NUMA1: variants seen among roughly 807,000 people sequenced by gnomAD.
NUMA1 encodes the protein SP-H antigen.
NUMA1 carries 62 observed loss-of-function variants against 237.1 expected under a neutral mutation model. The ratio of observed to expected loss-of-function variants is 0.26; its 90% confidence interval spans 0.21 to 0.32. The LOEUF (loss-of-function observed/expected upper bound fraction) is 0.32, where lower values mean the gene tolerates loss of function less well. Ranked by LOEUF, NUMA1 falls within the 10% of genes least tolerant of loss-of-function variation. The pLI, the probability that NUMA1 is intolerant of heterozygous loss-of-function variation, is 1.00. For synonymous variants in NUMA1, 1,028 were observed against 1,066.1 expected, an observed-to-expected ratio of 0.96 and a Z score of 0.70; for missense variants, 2,533 against 2,666.5, an observed-to-expected ratio of 0.95 and a Z score of 1.10.
In NUMA1 at chr11:72,014,172, C is replaced by G; in HGVS notation, c.3331G>C (p.Ala1111Pro). Reference sequence around the variant, plus strand: ...CCTGTTGGCTCTGTCCTGCCAGCAGCCTCAGATTGGGCTCCTGAGCCAGAT... The same window carrying G: ...CCTGTTGGCTCTGTCCTGCCAGCAGGCTCAGATTGGGCTCCTGAGCCAGAT... ...HASGSGAQSE[A>P]AGRTEPTGPK... Residue 1111 changes from alanine to proline, a missense_variant, in exon 15 of 27, where the codon GCT becomes CCT. Coordinates refer to ENST00000393695, the MANE Select transcript of NUMA1 (RefSeq NM_006185.4). This position sits in a 1 kb window ranked among gnomAD's most constrained non-coding sequence, Gnocchi z 4.6. 6.2e-7 allele frequency: 1 copy of G among 1,613,812 alleles called. No individual in the cohort carries two copies.
chr11:72,013,288 C>T lies in NUMA1; in HGVS notation c.4215G>A (p.Glu1405=), dbSNP rs747713128. The T allele has an allele frequency of 6.2e-7, 1 of 1,604,442 alleles. No individual in the cohort carries two copies. Among genetic ancestry groups the T allele is most frequent in the Non-Finnish European group, 8.5e-7 (1 of 1,179,796 alleles). ...GCCGCAGAGGAATCAGCTCCCCAAG[C>T]TCCCGCTGGGCCCGCAGCAGCTCTG... is the stretch of plus-strand genomic sequence containing the variant. ...LRAELLRAQR[E]LGELIPLRQK... is the part of the protein sequence containing the mutation. The change falls in exon 15 of 27, where the codon GAG becomes GAA. Residue 1405 remains glutamate, a synonymous_variant. Transcript: ENST00000393695. The surrounding 1 kb of genome is among the most constrained non-coding windows in gnomAD (Gnocchi z 6.8).
chr11:72,058,816 T>A (rs1203613490), intron 2 of NUMA1, among the ~76,000 whole-genome samples: 2 of 152,114 alleles, frequency 1.3e-5, no homozygotes, highest in African/African-American at 4.8e-5. Flanking sequence ...ATCCCCCTCC[T>A]CCCCTTACAT....
chr11:72,066,416 A>G (rs1315825232), intron 2 of NUMA1: 3 of 152,218 alleles, frequency 2.0e-5, no homozygotes, highest in African/African-American at 7.2e-5. Context: ...CAAATTTCTT[A>G]GCATAACGCT....
chr11:72,029,829 CAT>C (rs1209246141), intron 3 of NUMA1, among the ~76,000 whole-genome samples: 5 of 150,394 alleles, frequency 3.3e-5, no homozygotes, highest in Non-Finnish European at 7.4e-5. Context: ...CTCCCACAAA[CAT>C]ATAAAATCTT....
intron 3 of NUMA1, among the ~76,000 whole-genome samples, chr11:72,032,648 G>C (rs1940485997): frequency 1.3e-5 from 2 of 152,186 alleles, no homozygotes; most frequent in South Asian, 4.1e-4. Context: ...TTTAAAAGTT[G>C]AGGAAGTAGA....
intron 2 of NUMA1, chr11:72,065,807 T>G (rs1943172070): frequency 6.6e-6 from 1 of 152,096 alleles, no homozygotes; most frequent in Non-Finnish European, 1.5e-5. Flanking sequence ...CCTAAGAAAA[T>G]CATCTTTGGT....
intron 2 of NUMA1, among the ~76,000 whole-genome samples, chr11:72,064,275 T>A (rs944736679): frequency 1.3e-5 from 2 of 151,940 alleles, no homozygotes; most frequent in African/African-American, 4.8e-5. Flanking sequence ...CTGGGCAACA[T>A]AGTAGACTCC....
intron 1 of NUMA1, among the ~76,000 whole-genome samples, chr11:72,072,935 G>A (rs571162597): frequency 2.1e-4 from 32 of 151,834 alleles, no homozygotes; most frequent in Admixed American, 5.9e-4. Context: ...CCAGCTACTC[G>A]GGAGGGGAGG....
Position 72,009,005 on chromosome 11 carries a change from G to A in NUMA1, c.5020C>T (p.Arg1674Cys), listed in dbSNP as rs199835367. 8.8e-5 allele frequency: 142 copies of A among 1,613,872 alleles called. No homozygotes were observed. Among genetic ancestry groups the A allele is most frequent in the Middle Eastern group, 6.6e-4 (4 of 6,062 alleles). Residue 1674 changes from arginine (R) to cysteine (C), a missense_variant, in exon 19 of 27, where the codon CGC becomes TGC. By Grantham distance (180) the Arg-to-Cys change is radical. Around this residue, in one of 3 missense-constraint regions of NUMA1, gnomAD observed 795 missense variants for 750.8 expected, o/e 1.06. Transcript: ENST00000393695. ...LKTKEAEQTC[R>C]HLTAQVRSLE... ...CTGCGCACCTGGGCAGTAAGGTGGC[G>A]GCAGGTCTGTTCAGCCTCCTTGGTC...
At chr11:72,076,210 C>T (rs896203742) in intron 1 of NUMA1, among the ~76,000 whole-genome samples, 1 of 151,220 alleles carries the variant, frequency 6.6e-6, no homozygotes, top group African/African-American at 2.4e-5. Flanking sequence ...CCTGTCTCTA[C>T]AGAAAATATA....
At chr11:72,011,332 C>T (rs897321718) in intron 16 of NUMA1, among the ~76,000 whole-genome samples, 5 of 152,210 alleles carry the variant, frequency 3.3e-5, no homozygotes, top group East Asian at 1.9e-4. Context: ...ATCCACAGGC[C>T]GTTAGGGCTG....
rs530638004 is a variant in NUMA1 at position 72,019,350 on chromosome 11, C to T, written c.584+144G>A. 4 of 1,110,900 alleles carry T rather than the reference C, an allele frequency of 3.6e-6. No individual in the cohort carries two copies. In the African/African-American group the frequency reaches 4.7e-5, roughly 13 times the overall value. 68.8% of individuals were successfully genotyped at this position (1,110,900 alleles called of 1,614,324 possible). On this transcript the variant is annotated intron_variant, in intron 9 of 26. Transcript: ENST00000393695. ...TCCCAACCACTTCCCCCAGTTAATACTGGGTGAGGTGAGGAGATCCCAGAT... is the reference window on the plus strand; with the variant it reads ...TCCCAACCACTTCCCCCAGTTAATATTGGGTGAGGTGAGGAGATCCCAGAT...
Position 72,003,163 on chromosome 11 carries a change from C to T in NUMA1, c.*364G>A, listed in dbSNP as rs1157535121. ...AGGACAGCAGGAACCAGGGCCTACT[C>T]CTCTTATGGTCCCTTCTAGATCCAG... On this transcript the variant is annotated 3_prime_UTR_variant, in exon 27 of 27. Transcript: ENST00000393695. 3.2e-6 allele frequency: 1 copy of T among 316,560 alleles called. No homozygotes were observed. Among genetic ancestry groups the T allele is most frequent in the Non-Finnish European group, 5.9e-6 (1 of 168,302 alleles). The allele number at this position is 316,560 out of a possible 1,614,324, so 19.6% of individuals were successfully genotyped here. A position where few individuals can be genotyped will look rare whatever the true frequency, so the allele number is the denominator to read the frequency against.
At chr11:72,052,352 TAG>T (rs1321527609) in intron 2 of NUMA1, among the ~76,000 whole-genome samples, 10 of 152,100 alleles carry the variant, frequency 6.6e-5, no homozygotes, top group Non-Finnish European at 5.9e-5. Context: ...GCAGGATAAG[TAG>T]AGTTTCACCA....
chr11:72,031,610 C>T (rs972560340), intron 3 of NUMA1, among the ~76,000 whole-genome samples: 1 of 152,020 alleles, frequency 6.6e-6, no homozygotes, highest in Non-Finnish European at 1.5e-5. Context: ...GCCTGGGCAA[C>T]ATAAGGAGAC....
In NUMA1 at chr11:72,014,511, C is replaced by T. The variant is rs1360001075; in HGVS notation, c.2992G>A (p.Glu998Lys). The change falls in exon 15 of 27, where the codon GAG (glutamate) becomes AAG (lysine). Residue 998 changes from glutamate to lysine, a missense_variant. By Grantham distance (56) the Glu-to-Lys change is moderately conservative. This residue lies in a region of NUMA1 where 1,414 missense variants were observed against 1,508.1 expected (regional missense o/e 0.94). Transcript: ENST00000393695. This position sits in a 1 kb window ranked among gnomAD's most constrained non-coding sequence, Gnocchi z 4.6. ...ACCTCCCTTTCCTGCTGCCCACGCT[C>T]CTCCTGCTGCTGCCCCTGGCTCTCC... The part of the protein sequence containing the change: ...LMESQGQQQE[E>K]RGQQEREVAR... The T allele has an allele frequency of 6.2e-7, 1 of 1,601,876 alleles. No individual in the cohort carries two copies. Among genetic ancestry groups the T allele is most frequent in the Non-Finnish European group, 8.5e-7 (1 of 1,179,876 alleles).
chr11:72,014,024 C>T lies in NUMA1; in HGVS notation c.3479G>A (p.Arg1160Gln), dbSNP rs762820306. The T allele has an allele frequency of 9.9e-6, 16 of 1,611,516 alleles. No individual in the cohort carries two copies. Among genetic ancestry groups the T allele is most frequent in the Admixed American group, 5.0e-5 (3 of 60,026 alleles). The part of the protein sequence containing the change: ...LEAERASRAE[R>Q]DSALETLQGQ... Reference sequence around the variant, plus strand: ...CTGCAGAGTCTCCAGAGCACTGTCCCGCTCAGCCCGGGAGGCCCGCTCAGC... The same window carrying T: ...CTGCAGAGTCTCCAGAGCACTGTCCTGCTCAGCCCGGGAGGCCCGCTCAGC... Residue 1160 changes from arginine to glutamine, a missense_variant, in exon 15 of 27, where the codon CGG becomes CAG. By Grantham distance (43) the Arg-to-Gln change is conservative (BLOSUM62 1). This residue lies in a region of NUMA1 where 1,414 missense variants were observed against 1,508.1 expected (regional missense o/e 0.94). Transcript: ENST00000393695. The surrounding 1 kb of genome is among the most constrained non-coding windows in gnomAD (Gnocchi z 4.6).
Position 72,013,176 on chromosome 11 carries a change from C to A in NUMA1, c.4327G>T (p.Ala1443Ser), listed in dbSNP as rs1172813677. 3 of 1,613,440 alleles carry A rather than the reference C, an allele frequency of 1.9e-6. No individual in the cohort carries two copies. The highest frequency in any genetic ancestry group is 2.5e-6 in the Non-Finnish European group (3 of 1,180,042). Residue 1443 changes from alanine (A) to serine (S), a missense_variant, in exon 15 of 27, where the codon GCG becomes TCG. By Grantham distance (99) the Ala-to-Ser change is moderately conservative. Around this residue, in one of 3 missense-constraint regions of NUMA1, gnomAD observed 324 missense variants for 407.6 expected, o/e 0.79. Transcript: ENST00000393695. This position sits in a 1 kb window ranked among gnomAD's most constrained non-coding sequence, Gnocchi z 6.8. ...TTCTCCTCTGCCAGCAGGCCATGCG[C>A]CTTCTTCAGCATGCTCAGCTGCTCT... ...YAEQLSMLKKAHGLLAEENRG... is the reference protein window; with the variant it reads ...YAEQLSMLKKSHGLLAEENRG...
At chr11:72,019,744 A>C in intron 8 of NUMA1, 127 bp from the exon 9 acceptor site, 1 of 1,034,104 alleles carries the variant, frequency 9.7e-7, no homozygotes, top group Non-Finnish European at 1.4e-6. Flanking sequence ...TATGTAAACT[A>C]CCAAGGAAGG....
Sources: gnomAD v4.1 joint callset for allele counts (sites outside exome capture counted in the v4.1 genomes callset) on GRCh38, gnomAD v4.1.1 for gene constraint, gnomAD v4.1.1 regional missense constraint, Gnocchi (gnomAD v3.1) non-coding constraint, MANE v1.5 for transcripts, NCBI Gene and HGNC (gene_info 2026-07-23, HGNC 2026-07-21) for gene names.